The following SH3BGR variants were observed in gnomAD, a reference collection of about 807,000 sequenced individuals.
SH3BGR encodes the protein SH3 domain-binding glutamic acid-rich protein.
In SH3BGR, 29 loss-of-function variants were observed where a neutral mutation model predicts 24.5. That is an observed-to-expected ratio of 1.18 (90% CI 0.88 to 1.61). SH3BGR has a LOEUF of 1.61. Ranked by LOEUF, SH3BGR falls within the 40% of genes most tolerant of loss-of-function variation. The pLI, the probability that SH3BGR is intolerant of heterozygous loss-of-function variation, is 0.00. For missense variants in SH3BGR, 162 were observed against 205.8 expected (o/e 0.79, Z 1.30); for synonymous variants, 55 against 65.7 (o/e 0.84, Z 0.79).
chr21:39,446,426 C>T, intron 1 of SH3BGR, among the ~76,000 whole-genome samples: 1 of 152,272 alleles, frequency 6.6e-6, no homozygotes, highest in African/African-American at 2.4e-5. Context: ...GAGGTCACCC[C>T]TGACTGTTTC....
intron 3 of SH3BGR, among the ~76,000 whole-genome samples, chr21:39,496,325 C>A (rs904539237): frequency 6.6e-6 from 1 of 151,418 alleles, no homozygotes; most frequent in Non-Finnish European, 1.5e-5. Context: ...AAGGTGAAAC[C>A]CCGTCTCTAC....
chr21:39,472,930 G>A (rs1208710761), intron 2 of SH3BGR, among the ~76,000 whole-genome samples: 3 of 152,122 alleles, frequency 2.0e-5, no homozygotes, highest in Admixed American at 2.0e-4. Flanking sequence ...GGTGGCTTTG[G>A]TGTGTGCTTA....
At chr21:39,497,215 G>C (rs111764335) in intron 3 of SH3BGR, among the ~76,000 whole-genome samples, 5,436 of 150,400 alleles carry the variant, frequency 0.036, 111 homozygotes, top group Middle Eastern at 0.074. Flanking sequence ...ATATAGGATA[G>C]TGTAGAAACA....
chr21:39,480,257 G>A (rs2078109769), intron 3 of SH3BGR, among the ~76,000 whole-genome samples: 1 of 152,164 alleles, frequency 6.6e-6, no homozygotes, highest in African/African-American at 2.4e-5. Context: ...TTTAGTATAT[G>A]TAGAGTTGTG....
intron 4 of SH3BGR, among the ~76,000 whole-genome samples, chr21:39,503,763 C>T (rs1472137125): frequency 6.6e-6 from 1 of 152,188 alleles, no homozygotes; most frequent in African/African-American, 2.4e-5. Context: ...TTCTTAAAGA[C>T]AAGATGCCAA....
chr21:39,476,224 C>T (rs998874342), intron 3 of SH3BGR, among the ~76,000 whole-genome samples: 3 of 151,982 alleles, frequency 2.0e-5, no homozygotes, highest in East Asian at 1.9e-4. Context: ...GAGCGTGTGG[C>T]GTCATGGAAG....
intron 2 of SH3BGR, among the ~76,000 whole-genome samples, chr21:39,465,032 G>C (rs1434476949): frequency 2.0e-5 from 3 of 152,066 alleles, no homozygotes; most frequent in African/African-American, 7.2e-5. Context: ...GCCCAGGCTG[G>C]AGTGCAGTGG....
intron 1 of SH3BGR, among the ~76,000 whole-genome samples, chr21:39,461,304 A>G (rs565068475): frequency 3.1e-4 from 47 of 151,728 alleles, no homozygotes; most frequent in Non-Finnish European, 5.9e-4. Context: ...CGCCTGGCTA[A>G]TTTTGTATTT....
intron 2 of SH3BGR, among the ~76,000 whole-genome samples, chr21:39,469,936 G>A (rs1569156121): frequency 6.6e-6 from 1 of 152,018 alleles, no homozygotes; most frequent in Non-Finnish European, 1.5e-5. Context: ...GATTATGGAC[G>A]TGAGCCGCCA....
rs1315165482 is a variant in SH3BGR, at chr21:39,511,832, G to A, written c.*34+23G>A. On this transcript the variant is annotated intron_variant, in intron 6 of 6. Coordinates refer to ENST00000333634, the MANE Select transcript of SH3BGR (RefSeq NM_007341.3). The surrounding 1 kb of genome is among the most constrained non-coding windows in gnomAD (Gnocchi z 4.2). ...CAGGTAGCTACAGGATTCTGGGGTG[G>A]AAAAGCTGCTAGTTACCGTACTGTA... is the stretch of plus-strand genomic sequence containing the variant. 2.5e-6 allele frequency: 4 copies of A among 1,585,682 alleles called. No individual in the cohort carries two copies. The highest frequency in any genetic ancestry group is 3.4e-6 in the Non-Finnish European group (4 of 1,169,634).
At chr21:39,496,936 T>G (rs1336887434) in intron 3 of SH3BGR, among the ~76,000 whole-genome samples, 7 of 152,112 alleles carry the variant, frequency 4.6e-5, no homozygotes, top group African/African-American at 1.7e-4. Context: ...CAAAATTCTA[T>G]TTTTTAATTT....
At position 39,500,693 on chromosome 21, in the gene SH3BGR, A is replaced by AAAT. The variant is rs546536775; in HGVS notation, c.405+779_405+780insATA. 1.5e-3 allele frequency among the ~76,000 whole-genome samples: 223 copies of AAAT among 152,274 alleles called. 1 individual carries two copies. Among genetic ancestry groups the AAAT allele is most frequent in the Non-Finnish European group, 2.6e-3 (179 of 68,032 alleles). ...CTTCTCCACTGGGTCAGTTGTAGCAAAGACTATTTTTCAAACCCTGATGGT... is the reference window on the plus strand; with the variant it reads ...CTTCTCCACTGGGTCAGTTGTAGCAAAATAGACTATTTTTCAAACCCTGATGGT... On this transcript the variant is annotated intron_variant, in intron 4 of 6. Transcript: ENST00000333634.
At chr21:39,457,553 A>G (rs1286858248) in intron 1 of SH3BGR, among the ~76,000 whole-genome samples, 1 of 147,572 alleles carries the variant, frequency 6.8e-6, no homozygotes, top group Non-Finnish European at 1.5e-5. Context: ...AGATTATTAT[A>G]TATTATATAG....
At chr21:39,462,948 A>G (rs887158180) in intron 2 of SH3BGR, among the ~76,000 whole-genome samples, 2 of 152,186 alleles carry the variant, frequency 1.3e-5, no homozygotes, top group African/African-American at 4.8e-5. Context: ...TAGTGGTGCA[A>G]TCATGGCTCA....
intron 3 of SH3BGR, among the ~76,000 whole-genome samples, chr21:39,479,244 G>GTGGTGGTGGTGC (rs2078083735): frequency 2.2e-5 from 3 of 134,284 alleles, no homozygotes; most frequent in South Asian, 2.1e-4. Flanking sequence ...GGTGGTGGTG[G>GTGGTGGTGGTGC]TGGTGGTGGT....
intron 3 of SH3BGR, among the ~76,000 whole-genome samples, chr21:39,493,425 A>G (rs1471149306): frequency 6.6e-6 from 1 of 152,120 alleles, no homozygotes; most frequent in Non-Finnish European, 1.5e-5. Context: ...CGTTGGCTGT[A>G]AGTATTTGGT....
intron 4 of SH3BGR, among the ~76,000 whole-genome samples, chr21:39,504,586 G>A (rs1602169114): frequency 1.3e-5 from 2 of 152,118 alleles, no homozygotes; most frequent in East Asian, 1.9e-4. Context: ...TCTCTCTTCT[G>A]GCTTTCTCTG....
upstream of SH3BGR, among the ~76,000 whole-genome samples, chr21:39,447,313 C>T (rs2077505187): frequency 2.0e-5 from 3 of 152,076 alleles, no homozygotes; most frequent in South Asian, 4.1e-4. Flanking sequence ...GGTAGAGTTT[C>T]CTGAGAATGG....
intron 5 of SH3BGR, among the ~76,000 whole-genome samples, chr21:39,510,447 C>CACACACACACTGTAGCTACACACACAT (rs2078665624): frequency 1.9e-5 from 2 of 107,654 alleles, no homozygotes; most frequent in African/African-American, 7.6e-5. Context: ...CACACACACA[C>CACACACACACTGTAGCTACACACACAT]ACACACACTG....
Sources: gnomAD v4.1 joint callset for allele counts (sites outside exome capture counted in the v4.1 genomes callset) on GRCh38, gnomAD v4.1.1 for gene constraint, Gnocchi (gnomAD v3.1) non-coding constraint, MANE v1.5 for transcripts, NCBI Gene and HGNC (gene_info 2026-07-23, HGNC 2026-07-21) for gene names.